Variants in CNTNAP2 observed in about 807,000 individuals in gnomAD.
CNTNAP2 encodes the protein contactin-associated protein-like 2.
In CNTNAP2, 98 loss-of-function variants were observed where a neutral mutation model predicts 155.2. The ratio of observed to expected loss-of-function variants is 0.63; its 90% CI spans 0.54 to 0.75. The LOEUF is 0.75. Ranked by LOEUF, CNTNAP2 falls within the 30% of genes least tolerant of loss-of-function variation. CNTNAP2 has a pLI of 0.00. For missense variants in CNTNAP2, 1,727 were observed against 1,688.1 expected (o/e 1.02, Z -0.40); for synonymous variants, 651 against 631.2 (o/e 1.03, Z -0.47).
At chr7:148,357,491 C>A (rs979148869) in intron 21 of CNTNAP2, among the ~76,000 whole-genome samples, 3 of 152,162 alleles carry the variant, frequency 2.0e-5, no homozygotes, top group Non-Finnish European at 4.4e-5. Context: ...CTTCTCTTTG[C>A]AAATTGTAGC....
At chr7:147,335,549 A>G (rs977624735) in intron 9 of CNTNAP2, among the ~76,000 whole-genome samples, 1 of 152,188 alleles carries the variant, frequency 6.6e-6, no homozygotes, top group Non-Finnish European at 1.5e-5. Flanking sequence ...TGAGCCCCCA[A>G]AGAAAATAAA....
chr7:148,223,475 G>C (rs899929042), intron 19 of CNTNAP2, among the ~76,000 whole-genome samples: 1 of 152,138 alleles, frequency 6.6e-6, no homozygotes, highest in Non-Finnish European at 1.5e-5. Flanking sequence ...TCCAATAAAA[G>C]AGAAGTCCCT....
chr7:146,766,841 C>T (rs1267916053), intron 1 of CNTNAP2, among the ~76,000 whole-genome samples: 2 of 152,090 alleles, frequency 1.3e-5, no homozygotes, highest in Non-Finnish European at 2.9e-5. Flanking sequence ...AAGGCTGCCT[C>T]ATTCGGGCTC....
chr7:146,203,275 C>G (rs1798895936), intron 1 of CNTNAP2, among the ~76,000 whole-genome samples: 2 of 152,184 alleles, frequency 1.3e-5, no homozygotes, highest in South Asian at 4.1e-4. Flanking sequence ...CCCCCTCCCA[C>G]CACTTCAGAA....
intron 1 of CNTNAP2, among the ~76,000 whole-genome samples, chr7:146,761,832 A>AC (rs1802106954): frequency 6.6e-6 from 1 of 151,650 alleles, no homozygotes; most frequent in African/African-American, 2.4e-5. Context: ...CAACTTCTTT[A>AC]TTCAATGGTA....
rs529121000 is a variant in CNTNAP2, at chr7:148,316,843, G to T, written c.3475+49717G>T. 4.5e-4 allele frequency among the ~76,000 whole-genome samples: 68 copies of T among 152,296 alleles called. 1 individual carries two copies. In the South Asian group the frequency reaches 8.1e-3, roughly 18 times the overall value. ...CAGTGTATATATTATTAAAGACTCA[G>T]CGAGAAAAGACAATTCACTTTAAGA... is the stretch of plus-strand genomic sequence containing the variant. On this transcript the variant is annotated intron_variant, in intron 21 of 23. Transcript: ENST00000361727.
At chr7:146,726,228 T>G (rs866850869) in intron 1 of CNTNAP2, among the ~76,000 whole-genome samples, 8 of 152,170 alleles carry the variant, frequency 5.3e-5, no homozygotes, top group African/African-American at 1.9e-4. Context: ...TTCTAGAACA[T>G]ACATTTAGGA....
chr7:146,544,640 T>C (rs543570320), intron 1 of CNTNAP2, among the ~76,000 whole-genome samples: 3 of 151,954 alleles, frequency 2.0e-5, no homozygotes, highest in Admixed American at 1.3e-4. Flanking sequence ...GGCTTTAAAG[T>C]TAATAGGAAA....
At chr7:146,813,006 G>T (rs958830415) in intron 2 of CNTNAP2, among the ~76,000 whole-genome samples, 1 of 152,172 alleles carries the variant, frequency 6.6e-6, no homozygotes, top group African/African-American at 2.4e-5. Context: ...CAAGAACTGA[G>T]GTTTGAGAAC....
At chr7:147,094,102 G>A (rs921598890) in intron 4 of CNTNAP2, among the ~76,000 whole-genome samples, 7 of 152,134 alleles carry the variant, frequency 4.6e-5, no homozygotes, top group African/African-American at 1.7e-4. Flanking sequence ...TGGGGCAGCC[G>A]CAACCCCATG....
Position 147,346,138 on chromosome 7 carries a change from A to T in CNTNAP2, c.1498+45848A>T, listed in dbSNP as rs796705497. 8.7e-4 allele frequency among the ~76,000 whole-genome samples: 44 copies of T among 50,772 alleles called. 1 individual carries two copies. The highest frequency in any genetic ancestry group is 6.2e-3 in the African/African-American group (44 of 7,074). The allele number at this position is 50,772 out of a possible 152,430, so 33.3% of individuals were successfully genotyped here. ...GTCCCATAATCGAAGATTTTATTTT[A>T]TTTTATTTTATTTTATTTTTTTTTT... On this transcript the variant is annotated intron_variant, in intron 9 of 23. Coordinates refer to ENST00000361727, the MANE Select transcript of CNTNAP2 (RefSeq NM_014141.6).
intron 13 of CNTNAP2, among the ~76,000 whole-genome samples, chr7:147,652,830 A>G (rs896289678): frequency 6.6e-6 from 1 of 152,196 alleles, no homozygotes; most frequent in Non-Finnish European, 1.5e-5. Flanking sequence ...AATTTCTTAT[A>G]TTGAAACATT....
intron 11 of CNTNAP2, among the ~76,000 whole-genome samples, chr7:147,530,212 G>A (rs557941102): frequency 1.6e-4 from 23 of 142,180 alleles, no homozygotes; most frequent in Middle Eastern, 3.8e-3. Context: ...TTGAGACAGA[G>A]TCTTGCTTTG....
chr7:148,406,046 C>T (rs1799697637), intron 22 of CNTNAP2, among the ~76,000 whole-genome samples: 1 of 151,826 alleles, frequency 6.6e-6, no homozygotes. Flanking sequence ...TCTTGGATAA[C>T]ACGGTGAAAC....
chr7:146,173,065 C>T (rs2116823227), intron 1 of CNTNAP2, among the ~76,000 whole-genome samples: 1 of 152,082 alleles, frequency 6.6e-6, no homozygotes, highest in East Asian at 1.9e-4. Context: ...ATCCTATCTG[C>T]TTTCACAAGA....
chr7:147,194,548 A>G (rs1802745089), intron 8 of CNTNAP2, among the ~76,000 whole-genome samples: 1 of 152,170 alleles, frequency 6.6e-6, no homozygotes, highest in Non-Finnish European at 1.5e-5. Context: ...CCAACAGTGT[A>G]AAAGTGTTCC....
intron 22 of CNTNAP2, among the ~76,000 whole-genome samples, chr7:148,390,951 A>C (rs1799333131): frequency 6.6e-6 from 1 of 152,214 alleles, no homozygotes; most frequent in African/African-American, 2.4e-5. Context: ...TGCAGCATGT[A>C]GCCTAGATAG....
At chr7:147,460,739 T>A (rs1395717616) in intron 10 of CNTNAP2, among the ~76,000 whole-genome samples, 2 of 152,254 alleles carry the variant, frequency 1.3e-5, no homozygotes, top group African/African-American at 2.4e-5. Flanking sequence ...GTGCCTATAC[T>A]AATAGCTGAG....
intron 8 of CNTNAP2, among the ~76,000 whole-genome samples, chr7:147,236,774 C>T (rs771402541): frequency 3.8e-4 from 58 of 151,988 alleles, no homozygotes; most frequent in South Asian, 1.0e-3. Flanking sequence ...TCTCCTATCC[C>T]CTTATCTCCC....
Sources: gnomAD v4.1 joint callset for allele counts (sites outside exome capture counted in the v4.1 genomes callset) on GRCh38, gnomAD v4.1.1 for gene constraint, MANE v1.5 for transcripts, NCBI Gene and HGNC (gene_info 2026-07-23, HGNC 2026-07-21) for gene names.